ARHGAP12: variants seen among roughly 807,000 people sequenced by gnomAD.
ARHGAP12 encodes Rho GTPase activating protein 12.
Under a neutral mutation model 108.6 loss-of-function variants are expected in ARHGAP12, and 64 were observed. The observed-to-expected ratio is 0.59, with a 90% CI of 0.48 to 0.73. The LOEUF is 0.73. ARHGAP12 is among the 30% of genes least tolerant of loss of function. ARHGAP12 has a pLI of 0.00. For synonymous variants in ARHGAP12, 312 were observed against 337.2 expected (o/e 0.93, Z 0.82); for missense variants, 940 against 1,005.9 (o/e 0.93, Z 0.89).
rs768987896 is a variant in ARHGAP12, at chr10:31,861,599, T to G, written c.744A>C (p.Glu248Asp). 16 of 1,614,038 alleles carry G rather than the reference T, an allele frequency of 9.9e-6. No individual in the cohort carries two copies. The highest frequency in any genetic ancestry group is 1.4e-5 in the Non-Finnish European group (16 of 1,180,018). The change falls in exon 4 of 20, where the codon GAA becomes GAC. Residue 248 changes from glutamate (E) to aspartate (D), a missense_variant. Coordinates refer to ENST00000344936, the MANE Select transcript of ARHGAP12 (RefSeq NM_018287.7). The stretch of plus-strand genomic sequence containing the variant: ...GAAGAGCAGACTGGGATATTTTCAG[T>G]TCTTGAAGGTTAGCATAGACAGGAG... The part of the protein sequence containing the change: ...PDSPVYANLQ[E>D]LKISQSALPP...
chr10:31,881,082 C>G (rs556237605), intron 3 of ARHGAP12, among the ~76,000 whole-genome samples: 1 of 151,910 alleles, frequency 6.6e-6, no homozygotes, highest in African/African-American at 2.4e-5. Context: ...TCAGGTGATT[C>G]TCCTACCTCA....
chr10:31,909,542 T>C (rs1212471884), intron 2 of ARHGAP12, among the ~76,000 whole-genome samples: 16 of 152,184 alleles, frequency 1.1e-4, no homozygotes, highest in Admixed American at 9.8e-4. Context: ...GTAATCAAGT[T>C]AAGACAAGGT....
At chr10:31,809,403 C>T in intron 16 of ARHGAP12, 96 bp from the exon 17 acceptor site, 1 of 1,131,986 alleles carries the variant, frequency 8.8e-7, no homozygotes, top group Non-Finnish European at 1.3e-6. Flanking sequence ...CACTCATTTG[C>T]ATTAGCCTAA....
chr10:31,916,211 A>G (rs914490915), intron 1 of ARHGAP12, among the ~76,000 whole-genome samples: 2 of 152,140 alleles, frequency 1.3e-5, no homozygotes, highest in African/African-American at 4.8e-5. Flanking sequence ...CAGTATATAC[A>G]AGGTCTGCAT....
intron 1 of ARHGAP12, among the ~76,000 whole-genome samples, chr10:31,912,560 A>G (rs1332853922): frequency 6.6e-6 from 1 of 152,244 alleles, no homozygotes; most frequent in Non-Finnish European, 1.5e-5. Context: ...TATGTTCAAC[A>G]TGAGACATCC....
intron 3 of ARHGAP12, among the ~76,000 whole-genome samples, chr10:31,896,145 G>T (rs1227310246): frequency 6.6e-6 from 1 of 151,904 alleles, no homozygotes; most frequent in Non-Finnish European, 1.5e-5. Flanking sequence ...CGTAAATGAC[G>T]AGTTAATGGG....
At chr10:31,843,318 G>T (rs1836335837) in intron 7 of ARHGAP12, 143 bp downstream of exon 7, 4 of 905,532 alleles carry the variant, frequency 4.4e-6, no homozygotes, top group Admixed American at 3.2e-5. Context: ...CATACATGCA[G>T]ATCAAAAGCT....
chr10:31,908,616 A>T lies in ARHGAP12; in HGVS notation c.240T>A (p.Pro80=). 6.2e-7 allele frequency: 1 copy of T among 1,614,222 alleles called. No individual in the cohort carries two copies. The highest frequency in any genetic ancestry group is 1.1e-5 in the South Asian group (1 of 91,090). Residue 80 remains proline (P), a synonymous_variant, in exon 3 of 20, where the codon CCT becomes CCA. Transcript: ENST00000344936. ...TTGGCAGACCAGCTACCTGCTTAAC[A>T]GGTGGCATGAGAGCTTTGCGCGTGA... is the stretch of plus-strand genomic sequence containing the variant. ...KEVTRKALMP[P]VKQVAGLPNN...
intron 3 of ARHGAP12, among the ~76,000 whole-genome samples, chr10:31,883,789 G>A (rs1838083170): frequency 6.7e-6 from 1 of 150,120 alleles, no homozygotes; most frequent in Admixed American, 6.6e-5. Context: ...TCAGCTCACT[G>A]CAACCTCTGC....
At chr10:31,900,965 C>T (rs547639887) in intron 3 of ARHGAP12, among the ~76,000 whole-genome samples, 1 of 152,250 alleles carries the variant, frequency 6.6e-6, no homozygotes, top group East Asian at 1.9e-4. Flanking sequence ...CCTGTAATCC[C>T]AGCACTTTGA....
At chr10:31,827,560 G>T (rs1381182807) in intron 10 of ARHGAP12, among the ~76,000 whole-genome samples, 1 of 152,168 alleles carries the variant, frequency 6.6e-6, no homozygotes, top group Non-Finnish European at 1.5e-5. Flanking sequence ...GGGAGGCCGA[G>T]ACGGGTGGAT....
intron 9 of ARHGAP12, 56 bp from the exon 10 acceptor site, chr10:31,831,856 C>T: frequency 8.8e-7 from 1 of 1,141,382 alleles, no homozygotes; most frequent in Non-Finnish European, 1.3e-6. Context: ...GGTCCAAGTT[C>T]TTACACATGA....
chr10:31,863,043 A>C (rs991277136), intron 3 of ARHGAP12, among the ~76,000 whole-genome samples: 1 of 152,226 alleles, frequency 6.6e-6, no homozygotes, highest in Non-Finnish European at 1.5e-5. Flanking sequence ...AAGCTCTGTG[A>C]AAACAGTAAA....
intron 7 of ARHGAP12, among the ~76,000 whole-genome samples, chr10:31,840,003 T>C (rs1323016656): frequency 6.6e-6 from 1 of 152,080 alleles, no homozygotes; most frequent in Non-Finnish European, 1.5e-5. Context: ...TTATATCAGT[T>C]TGAATTAACC....
At chr10:31,919,518 C>T (rs189097031) in intron 1 of ARHGAP12, among the ~76,000 whole-genome samples, 14 of 152,296 alleles carry the variant, frequency 9.2e-5, no homozygotes, top group East Asian at 5.8e-4. Flanking sequence ...TAGGGCCAGG[C>T]GCGGTGGCTC....
chr10:31,806,736 A>C lies in ARHGAP12; in HGVS notation c.*922T>G, dbSNP rs1459120635. The C allele has an allele frequency of 1.3e-5, 2 of 152,620 alleles. No homozygotes were observed. The highest frequency in any genetic ancestry group is 2.9e-5 in the Non-Finnish European group (2 of 68,016). 9.5% of individuals were successfully genotyped at this position (152,620 alleles called of 1,614,324 possible). ...CACAGTTAACTTTCCCAAATAACGG[A>C]CTATTTCTGGAGGAAACCTAATATT... On this transcript the variant is annotated 3_prime_UTR_variant, in exon 20 of 20. Transcript: ENST00000344936.
rs186691828 is a variant in ARHGAP12 at position 31,843,114 on chromosome 10, A to C, written c.1296+347T>G. On this transcript the variant is annotated intron_variant, in intron 7 of 19. Transcript: ENST00000344936. ...CTTTAAAATAAGGTAAGCAAGAAAA[A>C]TCTGTCACCTACTGGGATCAAATGT... 7.8e-4 allele frequency among the ~76,000 whole-genome samples: 118 copies of C among 152,244 alleles called. 1 individual carries two copies. The highest frequency in any genetic ancestry group is 2.7e-3 in the African/African-American group (113 of 41,570).
At chr10:31,853,754 C>CA (rs1836783906) in intron 5 of ARHGAP12, among the ~76,000 whole-genome samples, 1 of 152,016 alleles carries the variant, frequency 6.6e-6, no homozygotes, top group South Asian at 2.1e-4. Context: ...AAACCATTTC[C>CA]AAAAAACTAT....
intron 1 of ARHGAP12, among the ~76,000 whole-genome samples, chr10:31,927,001 T>A (rs1375638495): frequency 6.6e-6 from 1 of 152,128 alleles, no homozygotes; most frequent in Non-Finnish European, 1.5e-5. Context: ...CGAACAGAAA[T>A]CTATCAACAA....
Sources: gnomAD v4.1 joint callset for allele counts (sites outside exome capture counted in the v4.1 genomes callset) on GRCh38, gnomAD v4.1.1 for gene constraint, MANE v1.5 for transcripts, NCBI Gene and HGNC (gene_info 2026-07-23, HGNC 2026-07-21) for gene names.